Variants in BDP1 observed in about 807,000 individuals in gnomAD.
BDP1 encodes the protein BDP1 general transcription factor IIIB subunit, also known as transcription factor TFIIIB component B'' homolog.
In BDP1, 169 loss-of-function variants were observed where a neutral mutation model predicts 266.6. The observed-to-expected ratio is 0.63, with a 90% CI of 0.56 to 0.72. The LOEUF (loss-of-function observed/expected upper bound fraction) is 0.72. BDP1 is among the 30% of genes least tolerant of loss of function. The probability of loss-of-function intolerance (pLI) is 0.00; values close to 1 mark genes in which losing one functional copy is unlikely to be tolerated. For missense variants in BDP1, 3,015 were observed against 3,053.8 expected, an observed-to-expected ratio of 0.99 and a Z score of 0.30; for synonymous variants, 1,090 against 1,022.4, an observed-to-expected ratio of 1.07 and a Z score of -1.26.
Position 71,467,475 on chromosome 5 carries a change from T to C in BDP1, c.907T>C (p.Trp303Arg), listed in dbSNP as rs759622607. ...SFRKNYYSKPWSNKETDMFFL... is the reference protein window; with the variant it reads ...SFRKNYYSKPRSNKETDMFFL... ...TAGGAAAAACTATTACTCTAAACCA[T>C]GGTCAAATAAAGGTAACTAATTTTC... The change falls in exon 6 of 39, where the codon TGG becomes CGG. Residue 303 changes from tryptophan to arginine, a missense_variant. Physicochemically the swap from Trp to Arg is moderately radical, Grantham distance 101 (BLOSUM62 -3). Around this residue, in one of 3 missense-constraint regions of BDP1, gnomAD observed 2,383 missense variants for 2,404.9 expected, o/e 0.99. Coordinates refer to ENST00000358731, the MANE Select transcript of BDP1 (RefSeq NM_018429.3). The C allele has an allele frequency of 6.3e-7, 1 of 1,599,172 alleles. No individual in the cohort carries two copies. The highest frequency in any genetic ancestry group is 8.5e-7 in the Non-Finnish European group (1 of 1,171,494).
chr5:71,575,167 C>A, the BDP1 span, among the ~76,000 whole-genome samples: 1 of 152,126 alleles, frequency 6.6e-6, no homozygotes, highest in Non-Finnish European at 1.5e-5. Flanking sequence ...CTTTGATAAC[C>A]CAGGATTTAA....
intron 6 of BDP1, among the ~76,000 whole-genome samples, chr5:71,468,077 G>A (rs1762009835): frequency 6.6e-6 from 1 of 152,110 alleles, no homozygotes. Flanking sequence ...GAAGTACAAT[G>A]GCACGATCTC....
chr5:71,495,371 A>G lies in BDP1; in HGVS notation c.1762A>G (p.Ile588Val), dbSNP rs1763822097. 6.3e-7 allele frequency: 1 copy of G among 1,586,580 alleles called. No homozygotes were observed. Among genetic ancestry groups the G allele is most frequent in the Non-Finnish European group, 8.6e-7 (1 of 1,166,134 alleles). ...GGTGAATAATGCTGAGGGTAGTTGT[A>G]TAGAAGAAAGAAATGTTGACCTAAA... ...CEVNNAEGSC[I>V]EERNVDLKNN... Residue 588 changes from isoleucine (I) to valine (V), a missense_variant, in exon 12 of 39, where the codon ATA becomes GTA. Ile to Val is a conservative substitution (Grantham distance 29). This residue lies in a region of BDP1 where 2,383 missense variants were observed against 2,404.9 expected (regional missense o/e 0.99). Transcript: ENST00000358731.
intron 7 of BDP1, among the ~76,000 whole-genome samples, chr5:71,473,598 A>G (rs962275823): frequency 1.3e-5 from 2 of 151,870 alleles, no homozygotes; most frequent in Non-Finnish European, 2.9e-5. Context: ...TAGGTTTCCA[A>G]TTGTTGGTGT....
chr5:71,545,082 T>G lies in BDP1; in HGVS notation c.6607T>G (p.Ser2203Ala), dbSNP rs201331694. Reference protein sequence around the residue: ...EESSQEVHMLSVAPVASSETG... With the variant: ...EESSQEVHMLAVAPVASSETG... ...GAGCTCTCAGGAGGTTCACATGTTG[T>G]CAGTTGCTCCAGTTGCTTCCTCTGA... is the stretch of plus-strand genomic sequence containing the variant. Residue 2203 changes from serine to alanine, a missense_variant, in exon 32 of 39, where the codon TCA becomes GCA. Ser to Ala is a moderately conservative substitution (Grantham distance 99, BLOSUM62 1). Around this residue, in one of 3 missense-constraint regions of BDP1, gnomAD observed 629 missense variants for 632.5 expected, o/e 0.99. Coordinates refer to ENST00000358731, the MANE Select transcript of BDP1 (RefSeq NM_018429.3). 4.7e-4 allele frequency: 751 copies of G among 1,613,572 alleles called. 3 individuals carry two copies. The highest frequency in any genetic ancestry group is 6.0e-4 in the South Asian group (55 of 91,044).
At chr5:71,521,528 G>T (rs1463697125) in intron 22 of BDP1, among the ~76,000 whole-genome samples, 1 of 152,018 alleles carries the variant, frequency 6.6e-6, no homozygotes, top group African/African-American at 2.4e-5. Context: ...CCGACCTCAG[G>T]TGATCCGCCC....
chr5:71,537,949 T>C (rs1235658905), intron 26 of BDP1: 2 of 152,448 alleles, frequency 1.3e-5, no homozygotes, highest in African/African-American at 4.8e-5. Flanking sequence ...CATCCTGTCT[T>C]ATCATTAAGT....
At chr5:71,545,441 C>T (rs765917869) in intron 32 of BDP1, 78 of 511,846 alleles carry the variant, frequency 1.5e-4, no homozygotes, top group Non-Finnish European at 2.4e-4. Flanking sequence ...AACAGATTCT[C>T]CTGCCTCAGC....
In BDP1 at chr5:71,495,234, A is replaced by G. The variant is rs1263788410; in HGVS notation, c.1641-16A>G. 1.3e-6 allele frequency: 2 copies of G among 1,486,550 alleles called. No homozygotes were observed. Among genetic ancestry groups the G allele is most frequent in the Non-Finnish European group, 1.8e-6 (2 of 1,106,008 alleles). The allele number at this position is 1,486,550 out of a possible 1,614,324, so 92.1% of individuals were successfully genotyped here. A position where few individuals can be genotyped will look rare whatever the true frequency, so the allele number is the denominator to read the frequency against. ...TTAGGAATTCTTTTCTCTCTGAAAT[A>G]TTTTCTTTTTTTTAGTAATCAACAA... On this transcript the variant is annotated splice_polypyrimidine_tract_variant and intron_variant, in intron 11 of 38. Transcript: ENST00000358731.
At chr5:71,538,332 C>T (rs1337809466) in intron 26 of BDP1, among the ~76,000 whole-genome samples, 1 of 152,102 alleles carries the variant, frequency 6.6e-6, no homozygotes, top group Non-Finnish European at 1.5e-5. Context: ...CAGGTGGGAC[C>T]TTGGGGACTG....
chr5:71,519,001 G>A (rs910883925), intron 22 of BDP1, among the ~76,000 whole-genome samples: 1 of 151,524 alleles, frequency 6.6e-6, no homozygotes, highest in Non-Finnish European at 1.5e-5. Flanking sequence ...TGTATTTTTA[G>A]TAGAGATGGG....
the BDP1 span, among the ~76,000 whole-genome samples, chr5:71,573,055 C>T: frequency 1.3e-5 from 2 of 151,912 alleles, no homozygotes; most frequent in Non-Finnish European, 2.9e-5. Flanking sequence ...ATGGTGAAAC[C>T]CTGTCTCTAC....
At position 71,517,427 on chromosome 5, in the gene BDP1, G is replaced by A. The variant is rs35736161; in HGVS notation, c.4966G>A (p.Val1656Ile). Reference sequence around the variant, plus strand: ...GGTGGTTCTTGTAGAAAACCTTCATGTTAACAAAACAAATGAAACAATCAG... The same window carrying A: ...GGTGGTTCTTGTAGAAAACCTTCATATTAACAAAACAAATGAAACAATCAG... ...SQVVLVENLHVNKTNETIRHE... is the reference protein window; with the variant it reads ...SQVVLVENLHINKTNETIRHE... Residue 1656 changes from valine to isoleucine, a missense_variant, in exon 22 of 39, where the codon GTT becomes ATT. Around this residue, in one of 3 missense-constraint regions of BDP1, gnomAD observed 2,383 missense variants for 2,404.9 expected, o/e 0.99. Transcript: ENST00000358731. 270 of 1,595,376 alleles carry A rather than the reference G, an allele frequency of 1.7e-4. No homozygotes were observed. In the African/African-American group the frequency reaches 3.0e-3, roughly 18 times the overall value.
chr5:71,574,731 G>A, the BDP1 span, among the ~76,000 whole-genome samples: 2 of 152,156 alleles, frequency 1.3e-5, no homozygotes, highest in Admixed American at 6.5e-5. Flanking sequence ...TTTTGAACTG[G>A]GAGAATATAT....
intron 13 of BDP1, among the ~76,000 whole-genome samples, chr5:71,497,940 C>T (rs1430849293): frequency 2.0e-5 from 3 of 152,068 alleles, no homozygotes; most frequent in Non-Finnish European, 4.4e-5. Context: ...AGGTGTGTGC[C>T]ACCAAACCCA....
downstream of BDP1, among the ~76,000 whole-genome samples, chr5:71,571,437 C>T (rs1370364116): frequency 2.0e-5 from 3 of 152,134 alleles, no homozygotes; most frequent in African/African-American, 2.4e-5. Flanking sequence ...CCTGTGCCAC[C>T]GCACCTGGCC....
intron 13 of BDP1, among the ~76,000 whole-genome samples, chr5:71,497,780 TTC>T (rs1763981561): frequency 1.3e-5 from 2 of 152,166 alleles, no homozygotes; most frequent in African/African-American, 2.4e-5. Context: ...TTTACAAACT[TTC>T]TGTTTGTTTT....
chr5:71,467,505 A>G lies in BDP1; in HGVS notation c.919+18A>G. ...AAATAAAGGTAACTAATTTTCATTT[A>G]AAAATGTGTAAGTTCTCTATTTGAA... is the stretch of plus-strand genomic sequence containing the variant. On this transcript the variant is annotated intron_variant, in intron 6 of 38. Coordinates refer to ENST00000358731, the MANE Select transcript of BDP1 (RefSeq NM_018429.3). 1.3e-6 allele frequency: 2 copies of G among 1,549,242 alleles called. No individual in the cohort carries two copies. Among genetic ancestry groups the G allele is most frequent in the Non-Finnish European group, 1.8e-6 (2 of 1,128,670 alleles).
At chr5:71,477,581 T>A (rs531472228) in intron 7 of BDP1, among the ~76,000 whole-genome samples, 33 of 151,808 alleles carry the variant, frequency 2.2e-4, no homozygotes, top group East Asian at 1.5e-3. Flanking sequence ...ATATTAAAAA[T>A]TTTTTTTAAA....
Sources: gnomAD v4.1 joint callset for allele counts (sites outside exome capture counted in the v4.1 genomes callset) on GRCh38, gnomAD v4.1.1 for gene constraint, gnomAD v4.1.1 regional missense constraint, MANE v1.5 for transcripts, NCBI Gene and HGNC (gene_info 2026-07-23, HGNC 2026-07-21) for gene names.